Variants in EP400 observed in about 807,000 individuals in gnomAD.
The protein encoded by EP400 is E1A-binding protein p400.
EP400 carries 105 observed loss-of-function variants against 354.1 expected under a neutral mutation model. The ratio of observed to expected loss-of-function variants is 0.30; its 90% CI spans 0.25 to 0.35. EP400 has a LOEUF of 0.35. Among genes scored for constraint, EP400 ranks in the 10% least tolerant of loss-of-function variants. The probability of loss-of-function intolerance (pLI) is 1.00; values close to 1 mark genes in which losing one functional copy is unlikely to be tolerated. For missense variants in EP400, 3,280 were observed against 4,121.0 expected, an observed-to-expected ratio of 0.80 and a Z score of 5.59; for synonymous variants, 1,646 against 1,716.9, an observed-to-expected ratio of 0.96 and a Z score of 1.02.
At position 132,064,870 on chromosome 12, in the gene EP400, T is replaced by G. The variant is rs781668991; in HGVS notation, c.8537T>G (p.Leu2846Arg). ...ALLTGTTVAN[L>R]QVARLTRVPT... ...CTGACGGGCACCACCGTGGCCAACC[T>G]CCAGGTGGCCCGGCTCGTAAGTGTC... The change falls in exon 48 of 53, where the codon CTC becomes CGC. Residue 2846 changes from leucine to arginine, a missense_variant. Coordinates refer to ENST00000389561, the MANE Select transcript of EP400 (RefSeq NM_015409.5). The G allele has an allele frequency of 6.2e-7, 1 of 1,609,192 alleles. No homozygotes were observed. Among genetic ancestry groups the G allele is most frequent in the Non-Finnish European group, 8.5e-7 (1 of 1,178,294 alleles).
chr12:132,055,359 T>C (rs185224585), intron 45 of EP400, 151 bp downstream of exon 45: 3 of 712,718 alleles, frequency 4.2e-6, no homozygotes, highest in Admixed American at 5.8e-5. Context: ...GATCAGTATG[T>C]TGATTTCAGA....
At chr12:131,966,104 G>A (rs542676132) in intron 2 of EP400, among the ~76,000 whole-genome samples, 1 of 151,944 alleles carries the variant, frequency 6.6e-6, no homozygotes, top group African/African-American at 2.4e-5. Flanking sequence ...TTAAGAACCC[G>A]TCCGGCCGGG....
At chr12:132,014,075 G>A (rs1467669483) in intron 19 of EP400, among the ~76,000 whole-genome samples, 162 bp downstream of exon 19, 1 of 152,238 alleles carries the variant, frequency 6.6e-6, no homozygotes, top group African/African-American at 2.4e-5. Flanking sequence ...TGCAGCCTCA[G>A]GTGTTTCCAG....
At chr12:131,954,757 G>A (rs931550717) in intron 1 of EP400, among the ~76,000 whole-genome samples, 15 of 151,414 alleles carry the variant, frequency 9.9e-5, no homozygotes, top group African/African-American at 2.9e-4. Flanking sequence ...AATGGGCGTG[G>A]TGGTGTGTGC....
Position 132,018,429 on chromosome 12 carries a change from C to A in EP400, c.4277+53C>A. 2 of 1,555,928 alleles carry A rather than the reference C, an allele frequency of 1.3e-6. No individual in the cohort carries two copies. The highest frequency in any genetic ancestry group is 1.2e-5 in the South Asian group (1 of 81,176). On this transcript the variant is annotated intron_variant, in intron 21 of 52. Transcript: ENST00000389561. The surrounding 1 kb of genome is among the most constrained non-coding windows in gnomAD (Gnocchi z 4.0). Reference sequence around the variant, plus strand: ...GGGTTGGCTCCCAGGGCCCCCACAGCTGACCCAGGTCTATGCGTGGTGAAA... The same window carrying A: ...GGGTTGGCTCCCAGGGCCCCCACAGATGACCCAGGTCTATGCGTGGTGAAA...
At chr12:132,028,338 C>T (rs370831745) in intron 27 of EP400, 50 bp downstream of exon 27, 3 of 1,590,678 alleles carry the variant, frequency 1.9e-6, no homozygotes, top group Non-Finnish European at 2.6e-6. Context: ...GCATTGCACC[C>T]CGGCAAGACC....
intron 23 of EP400, 38 bp downstream of exon 23, chr12:132,021,359 C>G: frequency 3.4e-6 from 5 of 1,479,234 alleles, no homozygotes; most frequent in Non-Finnish European, 4.5e-6. Flanking sequence ...TGCCATCTCT[C>G]TACCCCAGAG....
In EP400 at chr12:132,023,875, A is replaced by G; in HGVS notation, c.4789A>G (p.Ser1597Gly). The change falls in exon 24 of 53, where the codon AGC (serine) becomes GGC (glycine). Residue 1597 changes from serine (S) to glycine (G), a missense_variant. Around this residue, in one of 20 missense-constraint regions of EP400, gnomAD observed 25 missense variants for 51.2 expected, o/e 0.49. Transcript: ENST00000389561. Reference protein sequence around the residue: ...ETPVTLQFQGSKFTLSHSQLR... With the variant: ...ETPVTLQFQGGKFTLSHSQLR... ...GCCGGTGACACTGCAGTTCCAGGGC[A>G]GCAAGTTCACCCTGTCACACAGCCA... is the stretch of plus-strand genomic sequence containing the variant. 1 of 1,613,620 alleles carries G rather than the reference A, an allele frequency of 6.2e-7. No individual in the cohort carries two copies. Among genetic ancestry groups the G allele is most frequent in the Non-Finnish European group, 8.5e-7 (1 of 1,179,870 alleles).
intron 2 of EP400, among the ~76,000 whole-genome samples, chr12:131,968,095 T>A (rs182651402): frequency 1.3e-5 from 2 of 152,222 alleles, no homozygotes; most frequent in African/African-American, 4.8e-5. Flanking sequence ...AACAAAAGTT[T>A]TAAATTTTGT....
intron 23 of EP400, among the ~76,000 whole-genome samples, chr12:132,022,126 C>T (rs983147666): frequency 1.3e-5 from 2 of 152,056 alleles, no homozygotes; most frequent in African/African-American, 4.8e-5. Context: ...TCCCATTGCC[C>T]AAAAATAAAG....
chr12:131,991,382 C>T (rs751271809), intron 9 of EP400, 25 bp from the exon 10 acceptor site: 29 of 1,613,218 alleles, frequency 1.8e-5, no homozygotes, highest in Non-Finnish European at 2.2e-5. Context: ...GCCTTGGGAA[C>T]GAACTGTGCT....
chr12:132,047,918 C>G (rs1288405707), intron 39 of EP400, among the ~76,000 whole-genome samples: 1 of 152,206 alleles, frequency 6.6e-6, no homozygotes, highest in Non-Finnish European at 1.5e-5. Context: ...TTCTCTTTCT[C>G]AGGATGTTCC....
intron 29 of EP400, chr12:132,031,236 T>C: frequency 1.9e-6 from 1 of 519,182 alleles, no homozygotes; most frequent in Non-Finnish European, 3.8e-6. Context: ...TCCTCAGCCT[T>C]ACTCCAGGGA....
chr12:132,029,739 C>T lies in EP400; in HGVS notation c.5420C>T (p.Pro1807Leu), dbSNP rs372211959. 28 of 1,613,168 alleles carry T rather than the reference C, an allele frequency of 1.7e-5. No individual in the cohort carries two copies. The highest frequency in any genetic ancestry group is 1.7e-4 in the Admixed American group (10 of 60,012). ...FVIPPVVAAP[P>L]SLRVPRPPPL... ...ATTCCTCCGGTGGTGGCAGCACCCCCGTCCCTACGGGTGCCGCGGCCGCCA... is the reference window on the plus strand; with the variant it reads ...ATTCCTCCGGTGGTGGCAGCACCCCTGTCCCTACGGGTGCCGCGGCCGCCA... Residue 1807 changes from proline (P) to leucine (L), a missense_variant, in exon 28 of 53, where the codon CCG becomes CTG. By Grantham distance (98) the Pro-to-Leu change is moderately conservative. Transcript: ENST00000389561. This position sits in a 1 kb window ranked among gnomAD's most constrained non-coding sequence, Gnocchi z 4.7.
At chr12:132,074,703 G>T (rs1178721089) in intron 51 of EP400, among the ~76,000 whole-genome samples, 1 of 152,096 alleles carries the variant, frequency 6.6e-6, no homozygotes, top group Non-Finnish European at 1.5e-5. Flanking sequence ...CATGTCTTTC[G>T]CTCTGTCTCC....
chr12:131,986,832 A>G, intron 6 of EP400, 25 bp downstream of exon 6: 1 of 1,577,550 alleles, frequency 6.3e-7, no homozygotes, highest in Non-Finnish European at 8.6e-7. Context: ...GAAAGTTGTA[A>G]AATGTACTCC....
Position 132,043,748 on chromosome 12 carries a change from G to A in EP400, c.6450+20G>A, listed in dbSNP as rs1593369349. ...AGTGAGGTAAGAGAATCAACTTTTG[G>A]TCAGTGAAAAAAATTTGCAATATTT... On this transcript the variant is annotated intron_variant, in intron 34 of 52. Transcript: ENST00000389561. 1 of 1,581,506 alleles carries A rather than the reference G, an allele frequency of 6.3e-7. No individual in the cohort carries two copies. The highest frequency in any genetic ancestry group is 8.6e-7 in the Non-Finnish European group (1 of 1,167,938).
rs1346953970 is a variant in EP400 at position 132,027,015 on chromosome 12, G to A, written c.5015-422G>A. Among the ~76,000 whole-genome samples, 1 of 152,220 alleles carries A rather than the reference G, an allele frequency of 6.6e-6. No individual in the cohort carries two copies. Among genetic ancestry groups the A allele is most frequent in the Admixed American group, 6.5e-5 (1 of 15,294 alleles). On this transcript the variant is annotated intron_variant, in intron 25 of 52. Transcript: ENST00000389561. The surrounding 1 kb of genome is among the most constrained non-coding windows in gnomAD (Gnocchi z 4.9). ...GTTGTGAGGACTGGGTGGACTTCCT[G>A]CCGGGGCTGGGCTGCTCATGGCAGG... is the stretch of plus-strand genomic sequence containing the variant.
intron 12 of EP400, among the ~76,000 whole-genome samples, chr12:132,001,375 A>G (rs968023866): frequency 1.3e-5 from 2 of 152,174 alleles, no homozygotes; most frequent in Non-Finnish European, 2.9e-5. Flanking sequence ...TTACGCCATT[A>G]TTTCTGCATA....
Sources: allele counts gnomAD v4.1 joint callset (sites outside exome capture counted in the v4.1 genomes callset), GRCh38; gene constraint gnomAD v4.1.1; regional missense constraint gnomAD v4.1.1; non-coding constraint Gnocchi (gnomAD v3.1); transcripts MANE v1.5; gene names NCBI Gene and HGNC (gene_info 2026-07-23, HGNC 2026-07-21).